The following FRMD4A variants were observed in gnomAD, a reference collection of about 807,000 sequenced individuals.
The protein encoded by FRMD4A is FERM domain-containing protein 4A.
FRMD4A carries 29 observed loss-of-function variants against 129.1 expected under a neutral mutation model. The ratio of observed to expected loss-of-function variants is 0.22; its 90% confidence interval spans 0.17 to 0.31. The LOEUF (loss-of-function observed/expected upper bound fraction) is 0.31, where lower values mean the gene tolerates loss of function less well. Among genes scored for constraint, FRMD4A ranks in the 10% least tolerant of loss-of-function variants. FRMD4A has a pLI of 1.00. For synonymous variants in FRMD4A, 634 were observed against 571.6 expected, an observed-to-expected ratio of 1.11 and a Z score of -1.56; for missense variants, 1,272 against 1,375.8, an observed-to-expected ratio of 0.92 and a Z score of 1.19.
In FRMD4A at chr10:14,218,657, C is replaced by T. The variant is rs754507019; in HGVS notation, c.45+111401G>A. On this transcript the variant is annotated intron_variant, in intron 2 of 24. Transcript: ENST00000357447. ...TTGCCTGAGGTCAGGAGTTCAAGAC[C>T]AGGTCCCTCCCACATGTGGGAATTA... Among the ~76,000 whole-genome samples the T allele has an allele frequency of 3.3e-5, 5 of 152,044 alleles. No homozygotes were observed. The South Asian group carries it at 1.0e-3, about 32-fold the overall frequency.
chr10:13,872,313 C>A (rs1281832197), intron 2 of FRMD4A, among the ~76,000 whole-genome samples: 3 of 152,176 alleles, frequency 2.0e-5, no homozygotes, highest in Non-Finnish European at 4.4e-5. Flanking sequence ...CAGGCCTTCA[C>A]AAAATGAAGC....
At chr10:14,323,553 G>A (rs917985266) in intron 2 of FRMD4A, among the ~76,000 whole-genome samples, 6 of 149,428 alleles carry the variant, frequency 4.0e-5, no homozygotes, top group East Asian at 2.0e-4. Flanking sequence ...TATACAAGAT[G>A]CACAGACAAC....
At chr10:13,904,413 T>C (rs922242295) in intron 2 of FRMD4A, among the ~76,000 whole-genome samples, 3 of 152,150 alleles carry the variant, frequency 2.0e-5, no homozygotes, top group African/African-American at 7.2e-5. Flanking sequence ...TCCCCGAGGT[T>C]CCCCTCTCCC....
At position 13,821,171 on chromosome 10, in the gene FRMD4A, C is replaced by G. The variant is rs1190260837; in HGVS notation, c.112-10263G>C. 1.3e-5 allele frequency among the ~76,000 whole-genome samples: 2 copies of G among 152,068 alleles called. No individual in the cohort carries two copies. The highest frequency in any genetic ancestry group is 4.8e-5 in the African/African-American group (2 of 41,406). On this transcript the variant is annotated intron_variant, in intron 3 of 24. Transcript: ENST00000357447. This position sits in a 1 kb window ranked among gnomAD's most constrained non-coding sequence, Gnocchi z 4.3. ...ATGAGGTGACTCTGTGCAGCTCTGT[C>G]CACTGTGTGGCCAGCAGGTCTGGGC...
intron 15 of FRMD4A, chr10:13,692,626 ATGTC>A (rs756018997): frequency 1.3e-5 from 2 of 152,102 alleles, no homozygotes; most frequent in Non-Finnish European, 2.9e-5. Flanking sequence ...TCCAGGAAGG[ATGTC>A]TGTCCTCTCT....
chr10:13,689,207 G>GGGGGGGGGGGGGGGGGGGGGGGGT (rs1564616369), intron 15 of FRMD4A, among the ~76,000 whole-genome samples: 1 of 9,402 alleles, frequency 1.1e-4, no homozygotes, highest in Non-Finnish European at 2.8e-4. Flanking sequence ...GCGGGGGGGG[G>GGGGGGGGGGGGGGGGGGGGGGGGT]GGGGGGGGGG....
chr10:13,685,919 C>G (rs1315271963), intron 15 of FRMD4A, among the ~76,000 whole-genome samples: 1 of 152,078 alleles, frequency 6.6e-6, no homozygotes, highest in African/African-American at 2.4e-5. Context: ...ATAAATATAG[C>G]TGTGTAAATG....
At chr10:13,996,779 A>G (rs1574584) in intron 2 of FRMD4A, among the ~76,000 whole-genome samples, 91,211 of 152,092 alleles carry the variant, frequency 0.6, 29,553 homozygotes, top group East Asian at 0.94. Context: ...GATCTTAGAA[A>G]TGATTTCTTC....
intron 2 of FRMD4A, among the ~76,000 whole-genome samples, chr10:14,318,498 A>G (rs1846838302): frequency 1.3e-5 from 2 of 152,016 alleles, no homozygotes; most frequent in Admixed American, 6.6e-5. Context: ...CAGGATTTAC[A>G]CATCCTCTGA....
intron 12 of FRMD4A, among the ~76,000 whole-genome samples, chr10:13,715,905 CAAA>C (rs61600242): frequency 0.011 from 1,435 of 125,428 alleles, 21 homozygotes; most frequent in African/African-American, 0.036. Context: ...ACTCCCCCCT[CAAA>C]AAAAAAAAAA....
intron 12 of FRMD4A, among the ~76,000 whole-genome samples, chr10:13,737,495 G>T (rs559521506): frequency 6.6e-6 from 1 of 152,248 alleles, no homozygotes; most frequent in African/African-American, 2.4e-5. Flanking sequence ...GGATTCAAGA[G>T]AAATGTTACA....
At chr10:13,657,811 T>C (rs1186543249) in intron 21 of FRMD4A, among the ~76,000 whole-genome samples, 1 of 143,674 alleles carries the variant, frequency 7.0e-6, no homozygotes, top group Non-Finnish European at 1.5e-5. Context: ...TTTAAATAAT[T>C]CTATAGACAC....
intron 12 of FRMD4A, among the ~76,000 whole-genome samples, chr10:13,709,244 G>A (rs1012944505): frequency 2.0e-5 from 3 of 152,144 alleles, no homozygotes; most frequent in South Asian, 2.1e-4. Flanking sequence ...GATTACAGGC[G>A]TGAGCCACCG....
chr10:13,801,542 G>A (rs895495181), intron 4 of FRMD4A, among the ~76,000 whole-genome samples: 1 of 152,214 alleles, frequency 6.6e-6, no homozygotes, highest in African/African-American at 2.4e-5. Flanking sequence ...AAGGCTTGTA[G>A]AAGTCTCTCA....
At chr10:13,806,767 G>A (rs2093363757) in intron 4 of FRMD4A, among the ~76,000 whole-genome samples, 1 of 152,234 alleles carries the variant, frequency 6.6e-6, no homozygotes. Context: ...TAATTCCAAA[G>A]TGTAACTAAG....
intron 2 of FRMD4A, among the ~76,000 whole-genome samples, chr10:13,980,227 G>A (rs1438191084): frequency 3.3e-5 from 5 of 152,162 alleles, no homozygotes; most frequent in African/African-American, 9.7e-5. Flanking sequence ...CGAAGAGCCC[G>A]TCTGGGAGAC....
chr10:13,671,183 G>A (rs1191819019), intron 16 of FRMD4A, among the ~76,000 whole-genome samples: 1 of 152,190 alleles, frequency 6.6e-6, no homozygotes, highest in African/African-American at 2.4e-5. Flanking sequence ...GCTGGGCACG[G>A]TGGCTCATGT....
chr10:13,793,121 T>C (rs1244557617), intron 5 of FRMD4A, among the ~76,000 whole-genome samples: 1 of 152,130 alleles, frequency 6.6e-6, no homozygotes, highest in African/African-American at 2.4e-5. Flanking sequence ...TCTCTGACTT[T>C]CTAAAATGTA....
intron 6 of FRMD4A, among the ~76,000 whole-genome samples, chr10:13,771,455 TTA>T (rs1438019151): frequency 3.9e-5 from 6 of 152,180 alleles, no homozygotes; most frequent in Non-Finnish European, 7.4e-5. Context: ...GCCTTTTCCT[TTA>T]TGTCATGATT....
Sources: gnomAD v4.1 joint callset for allele counts (sites outside exome capture counted in the v4.1 genomes callset) on GRCh38, gnomAD v4.1.1 for gene constraint, Gnocchi (gnomAD v3.1) non-coding constraint, MANE v1.5 for transcripts, NCBI Gene and HGNC (gene_info 2026-07-23, HGNC 2026-07-21) for gene names.